Variants in TMEM161B observed in about 807,000 individuals in gnomAD.
The protein encoded by TMEM161B is transmembrane protein 161B.
A neutral mutation model predicts 61.8 loss-of-function variants in TMEM161B; 34 were observed. The observed-to-expected ratio is 0.55, with a 90% CI of 0.42 to 0.73. TMEM161B has a LOEUF of 0.73. Among genes scored for constraint, TMEM161B ranks in the 30% least tolerant of loss-of-function variants. TMEM161B has a pLI of 0.00. For missense variants in TMEM161B, 456 were observed against 558.5 expected, an observed-to-expected ratio of 0.82 and a Z score of 1.85; for synonymous variants, 167 against 192.8, an observed-to-expected ratio of 0.87 and a Z score of 1.11.
intron 8 of TMEM161B, among the ~76,000 whole-genome samples, chr5:88,204,721 G>A (rs761159328): frequency 2.6e-5 from 4 of 151,606 alleles, no homozygotes; most frequent in Non-Finnish European, 5.9e-5. Context: ...GGAGAAAGAC[G>A]GGATGCAGCC....
intron 2 of TMEM161B, among the ~76,000 whole-genome samples, 158 bp downstream of exon 2, chr5:88,240,655 C>CA (rs879496887): frequency 1.1e-3 from 154 of 138,802 alleles, no homozygotes; most frequent in African/African-American, 2.3e-3. Flanking sequence ...GTCTTGTCTC[C>CA]AAAAAAAAAA....
At chr5:88,194,532 G>A (rs901393642), downstream of TMEM161B, among the ~76,000 whole-genome samples, 4 of 152,178 alleles carry the variant, frequency 2.6e-5, no homozygotes, top group Middle Eastern at 3.4e-3. Context: ...GCTCAGTCAA[G>A]TGGTAGTTCT....
At chr5:88,223,940 T>C (rs922108970) in intron 4 of TMEM161B, among the ~76,000 whole-genome samples, 3 of 152,074 alleles carry the variant, frequency 2.0e-5, no homozygotes, top group Admixed American at 6.5e-5. Context: ...AAGTGATTTA[T>C]ATTGTTCTTC....
chr5:88,216,988 T>A (rs906783224), intron 5 of TMEM161B, among the ~76,000 whole-genome samples: 21 of 152,214 alleles, frequency 1.4e-4, no homozygotes, highest in African/African-American at 5.1e-4. Flanking sequence ...AGAAAGCCAA[T>A]TCATTCATCA....
At chr5:88,247,329 G>A (rs1205118678) in intron 1 of TMEM161B, among the ~76,000 whole-genome samples, 1 of 151,970 alleles carries the variant, frequency 6.6e-6, no homozygotes, top group East Asian at 1.9e-4. Context: ...TTCAAACTTT[G>A]AGTACTGTGT....
chr5:88,211,038 C>A (rs979816136), intron 5 of TMEM161B, among the ~76,000 whole-genome samples: 3 of 152,004 alleles, frequency 2.0e-5, no homozygotes, highest in African/African-American at 7.3e-5. Flanking sequence ...CATCTTAGCT[C>A]AAGAGCTGTA....
At chr5:88,186,787 C>G (rs1307654099), downstream of TMEM161B, among the ~76,000 whole-genome samples, 1 of 151,812 alleles carries the variant, frequency 6.6e-6, no homozygotes. Flanking sequence ...TAGCCACACG[C>G]CTGTACTCAG....
intron 4 of TMEM161B, among the ~76,000 whole-genome samples, chr5:88,225,179 G>C (rs1269965388): frequency 1.3e-5 from 2 of 151,954 alleles, no homozygotes; most frequent in East Asian, 3.9e-4. Flanking sequence ...ACATTAGCCA[G>C]GATGGTCTCG....
At position 88,195,260 on chromosome 5, in the gene TMEM161B, T is replaced by A. The variant is rs1749431975; in HGVS notation, c.*951A>T. ...TCCAAAAAGAAATAAAATTTCTAGA[T>A]ACAAATACATCTCATTCAAGTCACT... On this transcript the variant is annotated 3_prime_UTR_variant, in exon 12 of 12. Coordinates refer to ENST00000296595, the MANE Select transcript of TMEM161B (RefSeq NM_153354.5). The A allele has an allele frequency of 1.1e-6, 1 of 947,196 alleles. No homozygotes were observed. 58.7% of individuals were successfully genotyped at this position (947,196 alleles called of 1,614,324 possible).
At chr5:88,189,229 A>C (rs754995153), downstream of TMEM161B, among the ~76,000 whole-genome samples, 4 of 151,558 alleles carry the variant, frequency 2.6e-5, no homozygotes, top group Non-Finnish European at 2.9e-5. Context: ...TTTTTTTTTT[A>C]ACCCTACCTC....
intron 1 of TMEM161B, among the ~76,000 whole-genome samples, chr5:88,246,051 T>C (rs1437358983): frequency 6.6e-6 from 1 of 151,856 alleles, no homozygotes; most frequent in Non-Finnish European, 1.5e-5. Flanking sequence ...GCAAACATCA[T>C]AGTACATTCT....
At chr5:88,236,597 T>G (rs537795905) in intron 2 of TMEM161B, among the ~76,000 whole-genome samples, 3 of 152,290 alleles carry the variant, frequency 2.0e-5, no homozygotes, top group African/African-American at 7.2e-5. Context: ...GGGAAAGCAG[T>G]TCACAACAGA....
chr5:88,208,219 C>T (rs1201724130), intron 5 of TMEM161B, among the ~76,000 whole-genome samples: 1 of 152,122 alleles, frequency 6.6e-6, no homozygotes, highest in Non-Finnish European at 1.5e-5. Flanking sequence ...CGTGGTGGCT[C>T]ACGCCTGTGA....
intron 9 of TMEM161B, chr5:88,200,287 G>T (rs1361914300): frequency 6.6e-6 from 1 of 151,948 alleles, no homozygotes; most frequent in Non-Finnish European, 1.5e-5. Flanking sequence ...AGCAATGTTG[G>T]CTAAGAAAGA....
At chr5:88,222,175 C>T (rs1749124656) in intron 4 of TMEM161B, among the ~76,000 whole-genome samples, 1 of 152,156 alleles carries the variant, frequency 6.6e-6, no homozygotes, top group South Asian at 2.1e-4. Flanking sequence ...CTCAAACAAT[C>T]TTCCCACCTC....
At chr5:88,222,305 G>T (rs1457958908) in intron 4 of TMEM161B, among the ~76,000 whole-genome samples, 2 of 152,064 alleles carry the variant, frequency 1.3e-5, no homozygotes. Flanking sequence ...CTGGGCTCAA[G>T]CCATCCTCCT....
chr5:88,255,442 G>A lies in TMEM161B; in HGVS notation c.3+13279C>T, dbSNP rs182740671. 5.1e-4 allele frequency among the ~76,000 whole-genome samples: 78 copies of A among 152,254 alleles called. 1 individual carries two copies. The highest frequency in any genetic ancestry group is 8.8e-5 in the Non-Finnish European group (6 of 68,016). On this transcript the variant is annotated intron_variant, in intron 1 of 11. Transcript: ENST00000296595. ...TGAAATGAAAGAACAGAAGAATTTG[G>A]TAGAAAAGCAGCTAAAGAATAAGAA... is the stretch of plus-strand genomic sequence containing the variant.
chr5:88,228,801 T>G (rs1438151361), intron 2 of TMEM161B, among the ~76,000 whole-genome samples: 1 of 152,152 alleles, frequency 6.6e-6, no homozygotes, highest in Non-Finnish European at 1.5e-5. Context: ...TAATACATAT[T>G]AAGATTATAC....
Position 88,197,844 on chromosome 5 carries a change from C to A in TMEM161B, c.1090-79G>T, listed in dbSNP as rs376487311. 1.3e-4 allele frequency: 156 copies of A among 1,173,368 alleles called. 1 individual carries two copies. In the African/African-American group the frequency reaches 2.2e-3, roughly 17 times the overall value. 72.7% of individuals were successfully genotyped at this position (1,173,368 alleles called of 1,614,324 possible). ...ATTAAACTTTCATATAATTGCCATACCAAAATACTTAAGAGATAATCCTTT... is the reference window on the plus strand; with the variant it reads ...ATTAAACTTTCATATAATTGCCATAACAAAATACTTAAGAGATAATCCTTT... On this transcript the variant is annotated intron_variant, in intron 10 of 11. Coordinates refer to ENST00000296595, the MANE Select transcript of TMEM161B (RefSeq NM_153354.5).
Sources: allele counts gnomAD v4.1 joint callset (sites outside exome capture counted in the v4.1 genomes callset), GRCh38; gene constraint gnomAD v4.1.1; transcripts MANE v1.5; gene names NCBI Gene and HGNC (gene_info 2026-07-23, HGNC 2026-07-21).